The following MAST2 variants were observed in gnomAD, a reference collection of about 807,000 sequenced individuals.
MAST2 encodes microtubule-associated serine/threonine-protein kinase 2.
Under a neutral mutation model 147.4 loss-of-function variants are expected in MAST2, and 70 were observed. That is an observed-to-expected ratio of 0.47 (90% CI 0.39 to 0.58). The LOEUF is 0.58. MAST2 is among the 20% of genes least tolerant of loss of function. MAST2 has a pLI of 0.00. For synonymous variants in MAST2, 869 were observed against 896.8 expected (o/e 0.97, Z 0.55); for missense variants, 2,080 against 2,302.3 (o/e 0.90, Z 1.98).
At chr1:46,005,792 T>C (rs1645462227) in intron 7 of MAST2, among the ~76,000 whole-genome samples, 1 of 152,240 alleles carries the variant, frequency 6.6e-6, no homozygotes, top group Middle Eastern at 3.4e-3. Context: ...GGGCACAGCC[T>C]TCACAGCCCC....
intron 2 of MAST2, 110 bp downstream of exon 2, chr1:45,824,690 G>A: frequency 8.9e-7 from 1 of 1,122,066 alleles, no homozygotes; most frequent in Non-Finnish European, 1.2e-6. Flanking sequence ...TAGTAGTCTT[G>A]TATAGAACAT....
chr1:45,930,987 C>G (rs1401084371), intron 4 of MAST2, among the ~76,000 whole-genome samples: 1 of 152,164 alleles, frequency 6.6e-6, no homozygotes, highest in East Asian at 1.9e-4. Context: ...CTCATCAGCC[C>G]TGAACACTTT....
At chr1:45,896,813 A>G (rs968237074) in intron 4 of MAST2, among the ~76,000 whole-genome samples, 15 of 152,280 alleles carry the variant, frequency 9.9e-5, no homozygotes, top group Admixed American at 8.5e-4. Context: ...ATCAAACAAT[A>G]TTTGTATATG....
intron 3 of MAST2, among the ~76,000 whole-genome samples, chr1:45,860,133 A>G (rs1645926222): frequency 6.6e-6 from 1 of 152,006 alleles, no homozygotes; most frequent in Non-Finnish European, 1.5e-5. Context: ...TGAGATGGGC[A>G]GATTACTTGA....
chr1:46,029,717 C>T (rs1280429652), intron 19 of MAST2, 114 bp from the exon 20 acceptor site: 2 of 1,429,682 alleles, frequency 1.4e-6, no homozygotes, highest in East Asian at 4.6e-5. Flanking sequence ...AGGGAAGATG[C>T]TTGAGCTGAT....
intron 3 of MAST2, among the ~76,000 whole-genome samples, chr1:45,881,033 T>C (rs971408588): frequency 6.6e-6 from 1 of 150,520 alleles, no homozygotes; most frequent in Admixed American, 6.6e-5. Context: ...TATAAGCACA[T>C]ATATTCATGA....
chr1:46,030,768 A>C lies in MAST2; in HGVS notation c.2708+7A>C. ...TGATTGGCTCCCCTGAGATGTGAGC[A>C]CCCAGAGTTCACCCAGGGTGGGCGA... On this transcript the variant is annotated splice_region_variant and intron_variant, in intron 22 of 28. Transcript: ENST00000361297. 1 of 1,567,096 alleles carries C rather than the reference A, an allele frequency of 6.4e-7. No homozygotes were observed. The highest frequency in any genetic ancestry group is 8.6e-7 in the Non-Finnish European group (1 of 1,161,094).
At chr1:45,913,840 G>A (rs767232921) in intron 4 of MAST2, 12 of 1,230,924 alleles carry the variant, frequency 9.7e-6, no homozygotes, top group Non-Finnish European at 1.2e-5. Context: ...ATGATGAAAC[G>A]GAGGCAAGAG....
chr1:45,944,014 C>T (rs1570855599), intron 4 of MAST2, among the ~76,000 whole-genome samples: 1 of 152,316 alleles, frequency 6.6e-6, no homozygotes, highest in East Asian at 1.9e-4. Context: ...CTTCGCTATA[C>T]TCTGTGACAC....
intron 10 of MAST2, among the ~76,000 whole-genome samples, chr1:46,019,294 T>C (rs1474607733): frequency 2.0e-5 from 3 of 152,264 alleles, no homozygotes; most frequent in South Asian, 2.1e-4. Flanking sequence ...GAAGGCACCA[T>C]TGAGAGCTGC....
At chr1:45,986,619 A>T (rs1247202019) in intron 5 of MAST2, among the ~76,000 whole-genome samples, 1 of 149,594 alleles carries the variant, frequency 6.7e-6, no homozygotes, top group East Asian at 2.0e-4. Context: ...TCAGAGGCTG[A>T]GGCAGGAGAA....
At chr1:45,908,065 T>A (rs1225043349) in intron 4 of MAST2, among the ~76,000 whole-genome samples, 2 of 152,160 alleles carry the variant, frequency 1.3e-5, no homozygotes, top group African/African-American at 4.8e-5. Flanking sequence ...TGTCTATTAC[T>A]GTGGTTTTAT....
chr1:45,826,318 T>A (rs1000160590), intron 2 of MAST2, among the ~76,000 whole-genome samples: 1 of 152,144 alleles, frequency 6.6e-6, no homozygotes, highest in Non-Finnish European at 1.5e-5. Context: ...TGCTTTTCAT[T>A]TCTGAGTGCT....
At chr1:45,838,527 A>G (rs1645175790) in intron 3 of MAST2, among the ~76,000 whole-genome samples, 3 of 152,066 alleles carry the variant, frequency 2.0e-5, no homozygotes, top group Admixed American at 2.0e-4. Flanking sequence ...CCAGTCAGCT[A>G]TTTTTATATA....
intron 3 of MAST2, among the ~76,000 whole-genome samples, chr1:45,876,013 G>A (rs1327650287): frequency 1.3e-5 from 2 of 152,124 alleles, no homozygotes; most frequent in East Asian, 1.9e-4. Flanking sequence ...GTGTGTTTGC[G>A]GGGATAAGAG....
intron 3 of MAST2, chr1:45,865,189 T>C (rs1646104626): frequency 4.4e-6 from 2 of 453,850 alleles, no homozygotes; most frequent in South Asian, 1.6e-5. Flanking sequence ...TTAATGTCTC[T>C]TGTAAATGTA....
Position 45,815,184 on chromosome 1 carries a change from C to CTT in MAST2, c.178-9235_178-9234dup, listed in dbSNP as rs36054374. Among the ~76,000 whole-genome samples the CTT allele has an allele frequency of 5.7e-5, 8 of 139,880 alleles. No homozygotes were observed. The East Asian group carries it at 6.2e-4, about 11-fold the overall frequency. 91.8% of individuals were successfully genotyped at this position (139,880 alleles called of 152,430 possible). A position where few individuals can be genotyped will look rare whatever the true frequency, so the allele number is the denominator to read the frequency against. ...AAGTAATATAGTTTTGTCAGATCTT[C>CTT]TTTTTTTTTTTTTTTGAAACTGTCT... On this transcript the variant is annotated intron_variant, in intron 1 of 28. Transcript: ENST00000361297.
rs1384543197 is a variant in MAST2, at chr1:45,900,610, C to T, written c.500+18215C>T. 4.9e-5 allele frequency among the ~76,000 whole-genome samples: 2 copies of T among 40,842 alleles called. 1 individual carries two copies. The highest frequency in any genetic ancestry group is 3.3e-4 in the African/African-American group (2 of 6,084). The allele number at this position is 40,842 out of a possible 152,430, so 26.8% of individuals were successfully genotyped here. The stretch of plus-strand genomic sequence containing the variant: ...CCTCCCGAGTAGCTGGGACTACAGG[C>T]GCCCGCCACCGCGCCCGGCTAATTT... On this transcript the variant is annotated intron_variant, in intron 4 of 28. Transcript: ENST00000361297.
intron 4 of MAST2, among the ~76,000 whole-genome samples, chr1:45,894,015 G>C (rs928673891): frequency 9.2e-5 from 14 of 152,076 alleles, no homozygotes; most frequent in African/African-American, 3.4e-4. Flanking sequence ...AGGAGTTTGA[G>C]ACCAGCCTAG....
Sources: allele counts gnomAD v4.1 joint callset (sites outside exome capture counted in the v4.1 genomes callset), GRCh38; gene constraint gnomAD v4.1.1; transcripts MANE v1.5; gene names NCBI Gene and HGNC (gene_info 2026-07-23, HGNC 2026-07-21).